The following CDH12 variants were observed in gnomAD, a reference collection of about 807,000 sequenced individuals.
The protein encoded by CDH12 is cadherin-12.
A neutral mutation model predicts 74.1 loss-of-function variants in CDH12; 41 were observed. That is an observed-to-expected ratio of 0.55 (90% CI 0.43 to 0.72). The LOEUF (loss-of-function observed/expected upper bound fraction) is 0.72, where lower values mean the gene tolerates loss of function less well. Ranked by LOEUF, CDH12 falls within the 30% of genes least tolerant of loss-of-function variation. CDH12 has a pLI of 0.00. For missense variants in CDH12, 945 were observed against 977.2 expected, an observed-to-expected ratio of 0.97 and a Z score of 0.44; for synonymous variants, 399 against 355.0, an observed-to-expected ratio of 1.12 and a Z score of -1.39.
chr5:22,177,091 G>T (rs150804807), intron 4 of CDH12, among the ~76,000 whole-genome samples: 8,537 of 152,120 alleles, frequency 0.056, 258 homozygotes, highest in Non-Finnish European at 0.062. Context: ...TTGCTTCACT[G>T]AATGTAAATG....
intron 6 of CDH12, among the ~76,000 whole-genome samples, chr5:21,912,991 T>A (rs1168157377): frequency 1.3e-5 from 2 of 152,144 alleles, no homozygotes; most frequent in Non-Finnish European, 2.9e-5. Flanking sequence ...TATAGGCGTG[T>A]GCCACAACAC....
At chr5:22,206,999 G>C (rs555354799) in intron 4 of CDH12, among the ~76,000 whole-genome samples, 1 of 151,016 alleles carries the variant, frequency 6.6e-6, no homozygotes. Context: ...GGATCACGAG[G>C]TCAGGAGATC....
At chr5:22,014,183 C>T (rs1170629007) in intron 5 of CDH12, among the ~76,000 whole-genome samples, 7 of 152,242 alleles carry the variant, frequency 4.6e-5, no homozygotes, top group Middle Eastern at 6.8e-3. Flanking sequence ...ACTGAGATCA[C>T]GCCACTGCAC....
At chr5:22,498,147 T>C (rs562838336) in intron 2 of CDH12, among the ~76,000 whole-genome samples, 134 of 152,202 alleles carry the variant, frequency 8.8e-4, no homozygotes, top group Non-Finnish European at 1.6e-3. Context: ...CAGGAAGATA[T>C]TCTTGAAACA....
chr5:22,260,968 T>G (rs967649807), intron 3 of CDH12, among the ~76,000 whole-genome samples: 1 of 151,962 alleles, frequency 6.6e-6, no homozygotes, highest in Admixed American at 6.6e-5. Context: ...GTTATACATA[T>G]TATCATAAAG....
chr5:22,004,788 C>T (rs1011061863), intron 5 of CDH12, among the ~76,000 whole-genome samples: 9 of 152,084 alleles, frequency 5.9e-5, no homozygotes, highest in Non-Finnish European at 2.9e-5. Flanking sequence ...TATTTTTCAA[C>T]CCTCATCTCC....
At chr5:22,594,350 A>T (rs1293807242) in intron 1 of CDH12, among the ~76,000 whole-genome samples, 2 of 152,158 alleles carry the variant, frequency 1.3e-5, no homozygotes, top group Admixed American at 1.3e-4. Context: ...ATTGAATGGC[A>T]GTGCCTCCTC....
At chr5:21,974,042 A>G (rs1487491148) in intron 6 of CDH12, among the ~76,000 whole-genome samples, 1 of 152,018 alleles carries the variant, frequency 6.6e-6, no homozygotes, top group Admixed American at 6.6e-5. Flanking sequence ...AAGGTCACAT[A>G]CACAATTTCA....
chr5:22,244,156 G>A (rs1341205732), intron 3 of CDH12, among the ~76,000 whole-genome samples: 2 of 152,062 alleles, frequency 1.3e-5, no homozygotes, highest in East Asian at 1.9e-4. Flanking sequence ...CAATTAATAT[G>A]TATATACAAT....
intron 1 of CDH12, among the ~76,000 whole-genome samples, chr5:22,686,183 T>A (rs1456819022): frequency 6.6e-6 from 1 of 152,110 alleles, no homozygotes; most frequent in Non-Finnish European, 1.5e-5. Context: ...TTATTGGGCA[T>A]TTTGGTTTTT....
At chr5:22,684,880 C>A (rs1177906333) in intron 1 of CDH12, among the ~76,000 whole-genome samples, 1 of 152,120 alleles carries the variant, frequency 6.6e-6, no homozygotes, top group Non-Finnish European at 1.5e-5. Context: ...TAAATCAATA[C>A]AAAACAGTGT....
chr5:22,484,480 A>G (rs754242867), intron 2 of CDH12, among the ~76,000 whole-genome samples: 26 of 152,196 alleles, frequency 1.7e-4, no homozygotes, highest in Admixed American at 6.5e-5. Flanking sequence ...CATGAAAAGT[A>G]TATTGAAAGC....
At chr5:22,496,126 T>TAA (rs1747098446) in intron 2 of CDH12, among the ~76,000 whole-genome samples, 1 of 152,266 alleles carries the variant, frequency 6.6e-6, no homozygotes, top group African/African-American at 2.4e-5. Flanking sequence ...TCACTACTGA[T>TAA]AAATGGCTAA....
chr5:22,265,737 G>A (rs923263043), intron 3 of CDH12, among the ~76,000 whole-genome samples: 3 of 152,086 alleles, frequency 2.0e-5, no homozygotes, highest in Non-Finnish European at 2.9e-5. Flanking sequence ...TCTCCTCTGA[G>A]CAATATCCTC....
intron 3 of CDH12, among the ~76,000 whole-genome samples, chr5:22,387,577 G>C (rs1453037910): frequency 1.3e-5 from 2 of 152,110 alleles, no homozygotes; most frequent in Non-Finnish European, 2.9e-5. Flanking sequence ...AGAATATGTA[G>C]AATATAGAAT....
intron 1 of CDH12, among the ~76,000 whole-genome samples, chr5:22,765,572 AT>A (rs1746464109): frequency 6.6e-6 from 1 of 151,968 alleles, no homozygotes; most frequent in African/African-American, 2.4e-5. Flanking sequence ...TTTCAGATTG[AT>A]TTTTTAACAA....
At chr5:22,746,481 A>G (rs919632086) in intron 1 of CDH12, among the ~76,000 whole-genome samples, 2 of 152,230 alleles carry the variant, frequency 1.3e-5, no homozygotes, top group African/African-American at 2.4e-5. Context: ...GTATAAACTT[A>G]GCCAAAGTAG....
intron 2 of CDH12, among the ~76,000 whole-genome samples, chr5:22,451,960 A>G (rs1386609497): frequency 6.6e-6 from 1 of 151,762 alleles, no homozygotes; most frequent in Non-Finnish European, 1.5e-5. Flanking sequence ...GTAATCAAGA[A>G]AACAATCTCA....
At chr5:21,763,692 C>A (rs2149874602) in intron 12 of CDH12, among the ~76,000 whole-genome samples, 1 of 152,204 alleles carries the variant, frequency 6.6e-6, no homozygotes, top group South Asian at 2.1e-4. Context: ...TATATCCATG[C>A]CTGATTCCTT....
Sources: gnomAD v4.1 joint callset for allele counts (sites outside exome capture counted in the v4.1 genomes callset) on GRCh38, gnomAD v4.1.1 for gene constraint, MANE v1.5 for transcripts, NCBI Gene and HGNC (gene_info 2026-07-23, HGNC 2026-07-21) for gene names.